Variants in DHCR24 observed in about 807,000 individuals in gnomAD.
The protein encoded by DHCR24 is 24-dehydrocholesterol reductase.
A neutral mutation model predicts 61.2 loss-of-function variants in DHCR24; 28 were observed. The observed-to-expected ratio is 0.46, with a 90% CI of 0.34 to 0.63. DHCR24 has a LOEUF of 0.63. Ranked by LOEUF, DHCR24 falls within the 20% of genes least tolerant of loss-of-function variation. The pLI is 0.01. For synonymous variants in DHCR24, 261 were observed against 275.9 expected (o/e 0.95, Z 0.54); for missense variants, 538 against 679.1 (o/e 0.79, Z 2.31).
intron 6 of DHCR24, among the ~76,000 whole-genome samples, chr1:54,858,506 G>A (rs1185290016): frequency 6.6e-6 from 1 of 152,222 alleles, no homozygotes; most frequent in Non-Finnish European, 1.5e-5. Flanking sequence ...AATGTAGGCT[G>A]AACACACCTA....
intron 6 of DHCR24, among the ~76,000 whole-genome samples, chr1:54,856,106 T>C (rs1247469296): frequency 1.3e-5 from 2 of 152,216 alleles, no homozygotes; most frequent in East Asian, 1.9e-4. Flanking sequence ...CCTGTATCAA[T>C]ACAGAGGGCA....
intron 5 of DHCR24, among the ~76,000 whole-genome samples, chr1:54,870,307 C>T (rs1052713161): frequency 4.6e-5 from 7 of 151,918 alleles, no homozygotes; most frequent in African/African-American, 1.7e-4. Context: ...TGGTTACACC[C>T]TGGCGTAAAG....
chr1:54,854,369 G>T, intron 6 of DHCR24, 135 bp from the exon 7 acceptor site: 1 of 710,014 alleles, frequency 1.4e-6, no homozygotes, highest in Non-Finnish European at 2.4e-6. Flanking sequence ...CTCTTTGGAG[G>T]GGGTGTGATG....
At chr1:54,860,009 T>G (rs900036093) in intron 6 of DHCR24, among the ~76,000 whole-genome samples, 1 of 152,198 alleles carries the variant, frequency 6.6e-6, no homozygotes, top group Non-Finnish European at 1.5e-5. Context: ...TGCCCAAGAT[T>G]AAGACTAATG....
chr1:54,855,375 C>A, intron 6 of DHCR24, among the ~76,000 whole-genome samples: 1 of 141,238 alleles, frequency 7.1e-6, no homozygotes. Context: ...GTGTGGGCGA[C>A]AGAGTGAGAC....
intron 5 of DHCR24, among the ~76,000 whole-genome samples, chr1:54,866,504 T>C (rs758545745): frequency 3.3e-5 from 5 of 152,156 alleles, no homozygotes; most frequent in Non-Finnish European, 7.3e-5. Context: ...ACGTACTGTT[T>C]GCCAATTTGC....
At chr1:54,876,480 C>G (rs980674311) in intron 2 of DHCR24, among the ~76,000 whole-genome samples, 6 of 151,954 alleles carry the variant, frequency 3.9e-5, no homozygotes, top group Admixed American at 1.3e-4. Context: ...TTGGTGAAAC[C>G]CTGTTTCTAC....
At chr1:54,871,906 GA>G (rs1488516552) in intron 4 of DHCR24, among the ~76,000 whole-genome samples, 3 of 152,148 alleles carry the variant, frequency 2.0e-5, no homozygotes, top group African/African-American at 4.8e-5. Flanking sequence ...AAAAAGCTGG[GA>G]CTGGCACTGC....
chr1:54,868,454 A>T (rs2101567941), intron 5 of DHCR24, among the ~76,000 whole-genome samples: 1 of 152,224 alleles, frequency 6.6e-6, no homozygotes, highest in Non-Finnish European at 1.5e-5. Context: ...TGGGTGACAG[A>T]GCGAGACTCT....
chr1:54,873,110 T>A (rs1473430597), intron 4 of DHCR24, among the ~76,000 whole-genome samples: 1 of 152,232 alleles, frequency 6.6e-6, no homozygotes, highest in African/African-American at 2.4e-5. Context: ...TTCTAAAACA[T>A]CCTCTCTAAT....
At chr1:54,882,432 G>A (rs955378402) in intron 2 of DHCR24, among the ~76,000 whole-genome samples, 1 of 152,160 alleles carries the variant, frequency 6.6e-6, no homozygotes, top group Non-Finnish European at 1.5e-5. Context: ...AAAAAATTTG[G>A]CACTTCCTTA....
At chr1:54,886,555 G>T in intron 1 of DHCR24, 1 of 1,313,070 alleles carries the variant, frequency 7.6e-7, no homozygotes, top group Non-Finnish European at 1.0e-6. Context: ...CCAATCTCTA[G>T]ACCCAGCTCC....
Position 54,883,840 on chromosome 1 carries a change from T to C in DHCR24, c.232-67A>G. 6.2e-7 allele frequency: 1 copy of C among 1,604,718 alleles called. No homozygotes were observed. Among genetic ancestry groups the C allele is most frequent in the South Asian group, 1.1e-5 (1 of 90,770 alleles). On this transcript the variant is annotated intron_variant, in intron 1 of 8. Coordinates refer to ENST00000371269, the MANE Select transcript of DHCR24 (RefSeq NM_014762.4). This position sits in a 1 kb window ranked among gnomAD's most constrained non-coding sequence, Gnocchi z 4.3. ...TCCCCAGAGCAGCCTGCAGCCCTGC[T>C]TTCTTCAAGGGCGAGCTGGGAATGA...
rs80259539 is a variant in DHCR24 at position 54,853,037 on chromosome 1, C to T, written c.1397+397G>A. On this transcript the variant is annotated intron_variant, in intron 8 of 8. Coordinates refer to ENST00000371269, the MANE Select transcript of DHCR24 (RefSeq NM_014762.4). ...AGCAATCCTCTGTCCTGGGCCTCTCCGTGGTTTTCATAGACAGGAATCCCT... is the reference window on the plus strand; with the variant it reads ...AGCAATCCTCTGTCCTGGGCCTCTCTGTGGTTTTCATAGACAGGAATCCCT... 5.8e-3 allele frequency among the ~76,000 whole-genome samples: 880 copies of T among 152,276 alleles called. 2 individuals are homozygous for T. The highest frequency in any genetic ancestry group is 0.02 in the African/African-American group (823 of 41,542).
At chr1:54,877,786 G>T (rs1278308826) in intron 2 of DHCR24, among the ~76,000 whole-genome samples, 1 of 151,904 alleles carries the variant, frequency 6.6e-6, no homozygotes, top group Non-Finnish European at 1.5e-5. Flanking sequence ...CGAGGTGGGT[G>T]GATCACCTGA....
intron 3 of DHCR24, 93 bp from the exon 4 acceptor site, chr1:54,875,304 G>A (rs1647020932): frequency 5.6e-6 from 6 of 1,067,160 alleles, no homozygotes; most frequent in African/African-American, 4.6e-5. Context: ...GCATGAGGGA[G>A]GTTTGGCAGG....
At chr1:54,875,858 G>T in intron 3 of DHCR24, 84 bp downstream of exon 3, 1 of 1,067,444 alleles carries the variant, frequency 9.4e-7, no homozygotes, top group Non-Finnish European at 1.5e-6. Flanking sequence ...GCAATTCCAG[G>T]ACTAGATGGA....
intron 2 of DHCR24, among the ~76,000 whole-genome samples, chr1:54,877,558 C>T (rs911654376): frequency 6.6e-6 from 1 of 151,440 alleles, no homozygotes; most frequent in Non-Finnish European, 1.5e-5. Flanking sequence ...GGGTTCGAGA[C>T]CAGCCAGGAC....
intron 5 of DHCR24, among the ~76,000 whole-genome samples, chr1:54,867,154 A>C (rs1489294318): frequency 3.5e-4 from 53 of 152,102 alleles, no homozygotes; most frequent in Non-Finnish European, 1.5e-5. Context: ...GCTCCAGTCC[A>C]CCCCAGCCCT....
Sources: allele counts gnomAD v4.1 joint callset (sites outside exome capture counted in the v4.1 genomes callset), GRCh38; gene constraint gnomAD v4.1.1; non-coding constraint Gnocchi (gnomAD v3.1); transcripts MANE v1.5; gene names NCBI Gene and HGNC (gene_info 2026-07-23, HGNC 2026-07-21).